Variants in SCN11A observed in about 807,000 individuals in gnomAD.
SCN11A encodes the protein sodium channel protein type 11 subunit alpha.
A neutral mutation model predicts 162.2 loss-of-function variants in SCN11A; 122 were observed. The observed-to-expected ratio is 0.75, with a 90% CI of 0.65 to 0.87. The LOEUF is 0.87. SCN11A is among the 40% of genes least tolerant of loss of function. The pLI, the probability that SCN11A is intolerant of heterozygous loss-of-function variation, is 0.00. For missense variants in SCN11A, 2,015 were observed against 2,181.6 expected (o/e 0.92, Z 1.52); for synonymous variants, 758 against 751.5 (o/e 1.01, Z -0.14).
chr3:38,942,428 T>C (rs1291254682), intron 7 of SCN11A, among the ~76,000 whole-genome samples: 3 of 152,120 alleles, frequency 2.0e-5, no homozygotes, highest in Non-Finnish European at 4.4e-5. Context: ...TGTGAAACAT[T>C]TCCCAAGATA....
chr3:39,031,231 C>T (rs961005098), intron 2 of SCN11A, among the ~76,000 whole-genome samples: 6 of 152,008 alleles, frequency 3.9e-5, no homozygotes, highest in Non-Finnish European at 7.4e-5. Context: ...TATTTAAAAC[C>T]GAGGTCTTGG....
intron 2 of SCN11A, among the ~76,000 whole-genome samples, chr3:39,029,101 C>T (rs1027170116): frequency 5.3e-5 from 8 of 152,108 alleles, no homozygotes; most frequent in Admixed American, 4.6e-4. Flanking sequence ...TATCCCTTTA[C>T]CTGTGTTTTT....
chr3:38,855,820 C>G (rs1436975258), intron 28 of SCN11A, among the ~76,000 whole-genome samples: 1 of 152,198 alleles, frequency 6.6e-6, no homozygotes, highest in Non-Finnish European at 1.5e-5. Context: ...ACTTCACTCT[C>G]CTGCCACTTC....
At chr3:38,914,774 T>C (rs2065936052) in intron 11 of SCN11A, among the ~76,000 whole-genome samples, 1 of 151,812 alleles carries the variant, frequency 6.6e-6, no homozygotes, top group South Asian at 2.1e-4. Flanking sequence ...TTCTGATGAA[T>C]CACATTTATT....
In SCN11A at chr3:38,885,679, C is replaced by CATA. The variant is rs146380326; in HGVS notation, c.2950-280_2950-278dup. ...ACCTCCACGTTTTCTCCCTACAGAT[C>CATA]ATAACCCTGATAGGCTGCCTAACTC... On this transcript the variant is annotated intron_variant, in intron 20 of 29. Transcript: ENST00000302328. Among the ~76,000 whole-genome samples the CATA allele has an allele frequency of 3.4e-3, 517 of 152,276 alleles. 1 individual carries two copies. Among genetic ancestry groups the CATA allele is most frequent in the African/African-American group, 0.012 (488 of 41,556 alleles).
In SCN11A at chr3:38,845,981, A is replaced by G. The variant is rs534734797; in HGVS notation, c.*713T>C. The G allele has an allele frequency of 5.4e-4, 83 of 152,370 alleles. No homozygotes were observed. Among genetic ancestry groups the G allele is most frequent in the African/African-American group, 1.9e-3 (80 of 41,588 alleles). The allele number at this position is 152,370 out of a possible 1,614,324, so 9.4% of individuals were successfully genotyped here. On this transcript the variant is annotated 3_prime_UTR_variant, in exon 30 of 30. Coordinates refer to ENST00000302328, the MANE Select transcript of SCN11A (RefSeq NM_001349253.2). ...TTAGCATGCAAAAGAGCTACATGTG[A>G]TAAACCACATACTTGCATCAGGAAA...
At chr3:38,877,084 T>TATATATACC (rs2065224928) in intron 23 of SCN11A, among the ~76,000 whole-genome samples, 1 of 44,716 alleles carries the variant, frequency 2.2e-5, no homozygotes, top group African/African-American at 7.7e-5. Flanking sequence ...GTGTATATAC[T>TATATATACC]ATATATATGG....
intron 2 of SCN11A, among the ~76,000 whole-genome samples, chr3:38,961,814 A>T (rs888191495): frequency 6.6e-6 from 1 of 152,010 alleles, no homozygotes; most frequent in African/African-American, 2.4e-5. Flanking sequence ...GATGGTGAAG[A>T]TTTTCTCCCA....
At chr3:39,016,476 A>G (rs576650521) in intron 2 of SCN11A, among the ~76,000 whole-genome samples, 1 of 151,906 alleles carries the variant, frequency 6.6e-6, no homozygotes, top group South Asian at 2.1e-4. Flanking sequence ...TCATTTTCCT[A>G]TGGCCTGAAA....
chr3:38,870,720 T>C lies in SCN11A; in HGVS notation c.3784A>G (p.Ile1262Val). The C allele has an allele frequency of 6.2e-7, 1 of 1,613,498 alleles. No individual in the cohort carries two copies. The highest frequency in any genetic ancestry group is 8.5e-7 in the Non-Finnish European group (1 of 1,179,546). ...GTGGAATCAACAGCTGCATATATAATATCCATCCAGCCCTTAAATGTTGCC... is the reference window on the plus strand; with the variant it reads ...GTGGAATCAACAGCTGCATATATAACATCCATCCAGCCCTTAAATGTTGCC... ...QVATFKGWMDIIYAAVDSTEK... is the reference protein window; with the variant it reads ...QVATFKGWMDVIYAAVDSTEK... Residue 1262 changes from isoleucine to valine, a missense_variant, in exon 26 of 30, where the codon ATT becomes GTT. Ile to Val is a conservative substitution (Grantham distance 29). Transcript: ENST00000302328.
chr3:38,950,435 C>T (rs1290784205), intron 4 of SCN11A, 66 bp from the exon 5 acceptor site: 2 of 1,506,344 alleles, frequency 1.3e-6, no homozygotes, highest in East Asian at 4.5e-5. Flanking sequence ...AACAGCCTGC[C>T]CTAGGATTCC....
chr3:38,920,415 G>A lies in SCN11A; in HGVS notation c.893-414C>T, dbSNP rs553110012. 5.0e-4 allele frequency among the ~76,000 whole-genome samples: 76 copies of A among 152,236 alleles called. 2 individuals are homozygous for A. The South Asian group carries it at 0.014, about 29-fold the overall frequency. Reference sequence around the variant, plus strand: ...GGCACTGAAAGAAGTGTTGTTGGCCGGGCATGGTGGCTCACGCCTGTAATC... The same window carrying A: ...GGCACTGAAAGAAGTGTTGTTGGCCAGGCATGGTGGCTCACGCCTGTAATC... On this transcript the variant is annotated intron_variant, in intron 10 of 29. Coordinates refer to ENST00000302328, the MANE Select transcript of SCN11A (RefSeq NM_001349253.2).
chr3:38,889,021 G>GA (rs780328117), intron 19 of SCN11A, among the ~76,000 whole-genome samples: 3 of 151,038 alleles, frequency 2.0e-5, no homozygotes, highest in East Asian at 1.9e-4. Context: ...TAATGAAATT[G>GA]AAAAAAAAGA....
At chr3:39,013,173 G>GA in intron 2 of SCN11A, among the ~76,000 whole-genome samples, 1 of 152,068 alleles carries the variant, frequency 6.6e-6, no homozygotes, top group East Asian at 1.9e-4. Flanking sequence ...ACAACCAAAT[G>GA]AAAAAAAGTC....
At chr3:39,030,508 T>C (rs754813239) in intron 2 of SCN11A, among the ~76,000 whole-genome samples, 17 of 152,342 alleles carry the variant, frequency 1.1e-4, no homozygotes, top group South Asian at 2.1e-4. Flanking sequence ...CATGAGTGAC[T>C]TTATGGTATA....
chr3:39,036,118 C>A (rs79933389), intron 1 of SCN11A, among the ~76,000 whole-genome samples: 1 of 152,058 alleles, frequency 6.6e-6, no homozygotes, highest in African/African-American at 2.4e-5. Flanking sequence ...AATCCTCCTG[C>A]GTCAGCTTTC....
intron 28 of SCN11A, among the ~76,000 whole-genome samples, chr3:38,856,791 C>G (rs2064876925): frequency 6.6e-6 from 1 of 152,138 alleles, no homozygotes; most frequent in Admixed American, 6.5e-5. Flanking sequence ...CCTGCCATTC[C>G]AACTCCATAG....
intron 1 of SCN11A, among the ~76,000 whole-genome samples, chr3:39,040,634 A>G (rs1383842179): frequency 6.6e-6 from 1 of 152,264 alleles, no homozygotes; most frequent in Non-Finnish European, 1.5e-5. Flanking sequence ...TGAAATCAGG[A>G]AAACATTAAT....
chr3:38,926,859 C>A lies in SCN11A; in HGVS notation c.561G>T (p.Glu187Asp). Residue 187 changes from glutamate (E) to aspartate (D), a missense_variant, in exon 8 of 30, where the codon GAG becomes GAT. Coordinates refer to ENST00000302328, the MANE Select transcript of SCN11A (RefSeq NM_001349253.2). Reference sequence around the variant, plus strand: ...TCCATGGATCTCGAAGGAAAGAAAACTCATCCAGAATGAAACCTCTTGCCA... The same window carrying A: ...TCCATGGATCTCGAAGGAAAGAAAAATCATCCAGAATGAAACCTCTTGCCA... ...KILARGFILD[E>D]FSFLRDPWNW... The A allele has an allele frequency of 6.2e-7, 1 of 1,613,336 alleles. No homozygotes were observed. The highest frequency in any genetic ancestry group is 8.5e-7 in the Non-Finnish European group (1 of 1,179,262).
Sources: gnomAD v4.1 joint callset for allele counts (sites outside exome capture counted in the v4.1 genomes callset) on GRCh38, gnomAD v4.1.1 for gene constraint, MANE v1.5 for transcripts, NCBI Gene and HGNC (gene_info 2026-07-23, HGNC 2026-07-21) for gene names.